Variants in GPM6B observed in about 807,000 individuals in gnomAD.
GPM6B encodes the protein neuronal membrane glycoprotein M6-b.
GPM6B carries 4 observed loss-of-function variants against 27.2 expected under a neutral mutation model. That is an observed-to-expected ratio of 0.15 (90% CI 0.07 to 0.34). GPM6B has a LOEUF of 0.34. GPM6B is among the 10% of genes least tolerant of loss of function. The pLI is 1.00. For missense variants in GPM6B, 183 were observed against 261.9 expected, an observed-to-expected ratio of 0.70 and a Z score of 2.08; for synonymous variants, 124 against 103.1, an observed-to-expected ratio of 1.20 and a Z score of -1.23.
At chrX:13,931,890 T>C (rs1056308038) in intron 1 of GPM6B, among the ~76,000 whole-genome samples, 3 of 111,864 alleles carry the variant, frequency 2.7e-5, no homozygotes, top group Non-Finnish European at 5.6e-5. Context: ...GTTATCCTAA[T>C]CCCTTCCACC....
chrX:13,912,758 G>C (rs1470898741), intron 1 of GPM6B, among the ~76,000 whole-genome samples: 1 of 112,254 alleles, frequency 8.9e-6, no homozygotes, highest in Non-Finnish European at 1.9e-5. Flanking sequence ...GTAAGAAACT[G>C]TCACTTCATT....
chrX:13,903,986 A>G (rs1001752775), intron 1 of GPM6B, among the ~76,000 whole-genome samples: 5 of 111,109 alleles, frequency 4.5e-5, no homozygotes, highest in African/African-American at 1.6e-4. Flanking sequence ...CCCCATTATG[A>G]AGACACCAGT....
intron 3 of GPM6B, among the ~76,000 whole-genome samples, chrX:13,785,180 T>C (rs900887680): frequency 8.9e-6 from 1 of 112,070 alleles, no homozygotes; most frequent in African/African-American, 3.2e-5. Context: ...TGAACCTTTT[T>C]CTAACTACAT....
intron 1 of GPM6B, among the ~76,000 whole-genome samples, chrX:13,869,931 G>A (rs1371857683): frequency 8.9e-6 from 1 of 111,995 alleles, no homozygotes; most frequent in Admixed American, 9.5e-5. Context: ...AGAATCTTGT[G>A]CGGCATTTAG....
intron 1 of GPM6B, among the ~76,000 whole-genome samples, chrX:13,878,093 G>C (rs1040917916): frequency 9.1e-6 from 1 of 109,832 alleles, no homozygotes. Flanking sequence ...AGGATTTGAC[G>C]AGGTCAGAAG....
intron 1 of GPM6B, among the ~76,000 whole-genome samples, chrX:13,876,146 TCA>T (rs2050030970): frequency 8.9e-6 from 1 of 112,287 alleles, no homozygotes; most frequent in Non-Finnish European, 1.9e-5. Flanking sequence ...ATTTCAATTG[TCA>T]CAGAGATGAG....
At chrX:13,837,867 G>A (rs1272013242) in intron 1 of GPM6B, among the ~76,000 whole-genome samples, 1 of 110,119 alleles carries the variant, frequency 9.1e-6, no homozygotes, top group African/African-American at 3.3e-5. Flanking sequence ...TTATTAGAAA[G>A]TATTTATTGG....
intron 1 of GPM6B, among the ~76,000 whole-genome samples, chrX:13,841,737 C>A (rs1040223516): frequency 9.0e-6 from 1 of 111,529 alleles, no homozygotes; most frequent in African/African-American, 3.3e-5. Context: ...CCAGAACTAA[C>A]ACTTTCATGG....
intron 1 of GPM6B, among the ~76,000 whole-genome samples, chrX:13,864,640 G>A (rs1302823551): frequency 1.8e-5 from 2 of 112,535 alleles, no homozygotes; most frequent in Admixed American, 9.3e-5. Context: ...CTCACTCATC[G>A]GTGAGCCCCA....
intron 1 of GPM6B, among the ~76,000 whole-genome samples, chrX:13,870,035 C>A (rs977333086): frequency 8.9e-6 from 1 of 112,031 alleles, no homozygotes; most frequent in African/African-American, 3.2e-5. Context: ...GTATTGGTCA[C>A]AAATTTTGTA....
chrX:13,884,660 A>G (rs1318217375), intron 1 of GPM6B, among the ~76,000 whole-genome samples: 2 of 112,447 alleles, frequency 1.8e-5, no homozygotes, highest in Non-Finnish European at 3.8e-5. Context: ...TTCTGGAACC[A>G]TGGCGTAAGA....
intron 2 of GPM6B, among the ~76,000 whole-genome samples, chrX:13,787,965 C>T (rs768288136): frequency 2.7e-5 from 3 of 112,052 alleles, no homozygotes; most frequent in South Asian, 3.7e-4. Flanking sequence ...ATGGTAGCCA[C>T]TAAGACATGT....
At position 13,836,837 on chromosome X, in the gene GPM6B, T is replaced by C. The variant is rs774061827; in HGVS notation, c.-197-51029A>G. The stretch of plus-strand genomic sequence containing the variant: ...TTTGCAGGTCTTAATAGCTGTTTGC[T>C]AATGCATGCATTATTCTTCAGTTAT... On this transcript the variant is annotated intron_variant, in intron 1 of 6. Transcript: ENST00000398361. Among the ~76,000 whole-genome samples, 6 of 112,870 alleles carry C rather than the reference T, an allele frequency of 5.3e-5. No homozygotes were observed. In the East Asian group the frequency reaches 1.7e-3, roughly 31 times the overall value.
intron 1 of GPM6B, among the ~76,000 whole-genome samples, chrX:13,897,349 C>A (rs1276965155): frequency 8.9e-6 from 1 of 112,130 alleles, no homozygotes; most frequent in Non-Finnish European, 1.9e-5. Flanking sequence ...CTCCCAGGAG[C>A]AAATTGCATC....
intron 1 of GPM6B, among the ~76,000 whole-genome samples, chrX:13,870,875 G>A (rs903239500): frequency 1.9e-5 from 2 of 108,008 alleles, no homozygotes; most frequent in East Asian, 6.0e-4. Flanking sequence ...AGTTAGACCA[G>A]GCTGGGTAAC....
chrX:13,780,583 G>A (rs866408490), intron 4 of GPM6B, among the ~76,000 whole-genome samples: 2 of 111,836 alleles, frequency 1.8e-5, no homozygotes, highest in African/African-American at 6.5e-5. Flanking sequence ...CTTAATGCTC[G>A]ATCTATAAAA....
intron 1 of GPM6B, among the ~76,000 whole-genome samples, chrX:13,891,621 T>C (rs2050189586): frequency 8.9e-6 from 1 of 112,447 alleles, no homozygotes; most frequent in African/African-American, 3.2e-5. Flanking sequence ...CGCACTGCTA[T>C]GTGTCCGTGG....
chrX:13,920,053 C>T (rs993497802), intron 1 of GPM6B, among the ~76,000 whole-genome samples: 8 of 110,164 alleles, frequency 7.3e-5, no homozygotes, highest in African/African-American at 2.6e-4. Flanking sequence ...CACTTGAGTT[C>T]AGGAGTTCGA....
chrX:13,833,141 C>T (rs143554908), intron 1 of GPM6B, among the ~76,000 whole-genome samples: 163 of 111,364 alleles, frequency 1.5e-3, no homozygotes, highest in African/African-American at 5.1e-3. Flanking sequence ...CTGTGTATGA[C>T]GCTGACATTC....
Sources: gnomAD v4.1 joint callset for allele counts (sites outside exome capture counted in the v4.1 genomes callset) on GRCh38, gnomAD v4.1.1 for gene constraint, MANE v1.5 for transcripts, NCBI Gene and HGNC (gene_info 2026-07-23, HGNC 2026-07-21) for gene names.